Variants in URI1 observed in about 807,000 individuals in gnomAD.
URI1 encodes URI1 prefoldin like chaperone, also known as unconventional prefoldin RPB5 interactor 1.
URI1 carries 39 observed loss-of-function variants against 60.2 expected under a neutral mutation model. The observed-to-expected ratio is 0.65, with a 90% CI of 0.50 to 0.85. The LOEUF (loss-of-function observed/expected upper bound fraction) is 0.85, where lower values mean the gene tolerates loss of function less well. Among genes scored for constraint, URI1 ranks in the 40% least tolerant of loss-of-function variants. The probability of loss-of-function intolerance (pLI) is 0.00; values close to 1 mark genes in which losing one functional copy is unlikely to be tolerated. For missense variants in URI1, 691 were observed against 665.9 expected, an observed-to-expected ratio of 1.04 and a Z score of -0.42; for synonymous variants, 251 against 236.8, an observed-to-expected ratio of 1.06 and a Z score of -0.55.
Position 30,013,735 on chromosome 19 carries a change from A to T in URI1, c.1426-1152A>T, listed in dbSNP as rs186822034. Among the ~76,000 whole-genome samples, 628 of 152,278 alleles carry T rather than the reference A, an allele frequency of 4.1e-3. 1 individual carries two copies. The highest frequency in any genetic ancestry group is 7.8e-3 in the Non-Finnish European group (532 of 67,986). On this transcript the variant is annotated intron_variant, in intron 10 of 10. Transcript: ENST00000392271. ...GATATCCTTTTCAGTATCTTTTTAA[A>T]TGCTAAAATACCTCTTTTTCAAAGG...
At position 29,998,890 on chromosome 19, in the gene URI1, A is replaced by G. The variant is rs145398730; in HGVS notation, c.368-6471A>G. Among the ~76,000 whole-genome samples the G allele has an allele frequency of 1.9e-3, 284 of 151,654 alleles. No individual in the cohort carries two copies. The Middle Eastern group carries it at 0.027, about 15-fold the overall frequency. On this transcript the variant is annotated intron_variant, in intron 4 of 10. Coordinates refer to ENST00000392271, the MANE Select transcript of URI1 (RefSeq NM_003796.3). ...TATAGCTTTTTTTTGACTCATTTCTATATTACTGCCTTCCTTTGTGTTTGA... is the reference window on the plus strand; with the variant it reads ...TATAGCTTTTTTTTGACTCATTTCTGTATTACTGCCTTCCTTTGTGTTTGA...
At chr19:29,946,869 C>G (rs77514637) in intron 1 of URI1, among the ~76,000 whole-genome samples, 9 of 152,130 alleles carry the variant, frequency 5.9e-5, no homozygotes, top group African/African-American at 2.2e-4. Context: ...CAAAATACAG[C>G]AAGTTCTTTC....
At chr19:29,933,682 C>A (rs913781750) in intron 1 of URI1, among the ~76,000 whole-genome samples, 1 of 151,602 alleles carries the variant, frequency 6.6e-6, no homozygotes, top group African/African-American at 2.4e-5. Flanking sequence ...ATTAGCCAGG[C>A]ATGATGGCGT....
In URI1 at chr19:29,947,321, G is replaced by A. The variant is rs556224031; in HGVS notation, c.117+4657G>A. Among the ~76,000 whole-genome samples, 3 of 152,336 alleles carry A rather than the reference G, an allele frequency of 2.0e-5. No homozygotes were observed. The East Asian group carries it at 5.8e-4, about 29-fold the overall frequency. On this transcript the variant is annotated intron_variant, in intron 1 of 10. Transcript: ENST00000392271. ...CTGTGTGCCACGCATTGTGATAGAT[G>A]TTTACAGATCCGATCTTAGAATTTT...
chr19:29,973,468 A>C (rs2055483780), intron 2 of URI1, among the ~76,000 whole-genome samples: 1 of 152,162 alleles, frequency 6.6e-6, no homozygotes, highest in Non-Finnish European at 1.5e-5. Flanking sequence ...ATGAGTACGC[A>C]CCAGTATAGT....
chr19:29,931,716 C>T (rs956448366), intron 1 of URI1, among the ~76,000 whole-genome samples: 2 of 152,146 alleles, frequency 1.3e-5, no homozygotes, highest in Admixed American at 6.5e-5. Flanking sequence ...GATGTACAAA[C>T]TTGCTCCTCC....
Position 29,927,261 on chromosome 19 carries a change from C to CTT in URI1, c.63+3524_63+3525dup, listed in dbSNP as rs5827680. Reference sequence around the variant, plus strand: ...AGAGATGAAGTCTAATTTCATCCCTCTTTTTTTTTTTTTTTTTTCTGAAAT... The same window carrying CTT: ...AGAGATGAAGTCTAATTTCATCCCTCTTTTTTTTTTTTTTTTTTTTCTGAAAT... On this transcript the variant is annotated intron_variant, in intron 1 of 10. Transcript: ENST00000360605. Among the ~76,000 whole-genome samples, 451 of 124,822 alleles carry CTT rather than the reference C, an allele frequency of 3.6e-3. 3 individuals are homozygous for CTT. The highest frequency in any genetic ancestry group is 0.012 in the African/African-American group (427 of 34,284). The allele number at this position is 124,822 out of a possible 152,430, so 81.9% of individuals were successfully genotyped here.
intron 2 of URI1, among the ~76,000 whole-genome samples, chr19:29,983,986 T>TA (rs1008706748): frequency 1.3e-5 from 2 of 152,204 alleles, no homozygotes; most frequent in African/African-American, 4.8e-5. Context: ...TCTCTTACCT[T>TA]AATCACATTA....
At chr19:29,982,012 A>G (rs929812567) in intron 2 of URI1, among the ~76,000 whole-genome samples, 18 of 152,168 alleles carry the variant, frequency 1.2e-4, no homozygotes, top group African/African-American at 3.9e-4. Flanking sequence ...TTAAGCCTGA[A>G]ATAATAGAGA....
intron 1 of URI1, among the ~76,000 whole-genome samples, chr19:29,949,322 G>A (rs1166749903): frequency 6.6e-6 from 1 of 151,700 alleles, no homozygotes; most frequent in African/African-American, 2.4e-5. Flanking sequence ...GGGCGGCGGG[G>A]CGGAGGTGCT....
intron 1 of URI1, among the ~76,000 whole-genome samples, chr19:29,970,026 TTCTG>T (rs1315691515): frequency 2.0e-5 from 3 of 152,032 alleles, no homozygotes; most frequent in Non-Finnish European, 4.4e-5. Flanking sequence ...GGTACAGAAT[TTCTG>T]TCTTAGTATT....
chr19:30,015,417 A>G lies in URI1; in HGVS notation c.*348A>G. On this transcript the variant is annotated 3_prime_UTR_variant, in exon 11 of 11. Coordinates refer to ENST00000392271, the MANE Select transcript of URI1 (RefSeq NM_003796.3). ...CAGGCAGTTTTGTGCCAGCTGTGAT[A>G]TTGTGCATACCATATGGACCATTTT... is the stretch of plus-strand genomic sequence containing the variant. 1 of 1,457,966 alleles carries G rather than the reference A, an allele frequency of 6.9e-7. No homozygotes were observed. The highest frequency in any genetic ancestry group is 9.0e-7 in the Non-Finnish European group (1 of 1,113,844). 90.3% of individuals were successfully genotyped at this position (1,457,966 alleles called of 1,614,324 possible).
chr19:29,959,181 A>T (rs187203865), intron 1 of URI1, among the ~76,000 whole-genome samples: 3 of 152,212 alleles, frequency 2.0e-5, no homozygotes, highest in African/African-American at 7.2e-5. Context: ...GCTGGAGTGC[A>T]GTGGCCAATC....
intron 8 of URI1, 78 bp from the exon 9 acceptor site, chr19:30,011,016 T>C: frequency 1.4e-6 from 2 of 1,472,884 alleles, no homozygotes; most frequent in South Asian, 1.3e-5. Context: ...ATTTTTTTAG[T>C]TATAGAGTTT....
At chr19:29,938,612 G>A (rs1428290083), upstream of URI1, among the ~76,000 whole-genome samples, 3 of 152,158 alleles carry the variant, frequency 2.0e-5, no homozygotes, top group Non-Finnish European at 4.4e-5. Flanking sequence ...TCCCAGTGGG[G>A]GGCCTGGCAC....
Position 29,971,223 on chromosome 19 carries a change from C to T in URI1, c.148C>T (p.His50Tyr). 6.2e-7 allele frequency: 1 copy of T among 1,613,096 alleles called. No homozygotes were observed. Among genetic ancestry groups the T allele is most frequent in the Middle Eastern group, 1.7e-4 (1 of 6,058 alleles). Residue 50 changes from histidine to tyrosine, a missense_variant, in exon 2 of 11, where the codon CAT becomes TAT. Physicochemically the swap from His to Tyr is moderately conservative, Grantham distance 83 (BLOSUM62 2). Transcript: ENST00000392271. ...VVTNCQERIQHWKKVDNDYNA... is the reference protein window; with the variant it reads ...VVTNCQERIQYWKKVDNDYNA... ...CACTAACTGCCAAGAGAGAATCCAG[C>T]ATTGGTGAGTGAAAGATGGTTTTAT...
At chr19:29,939,213 G>A (rs1169817393), upstream of URI1, among the ~76,000 whole-genome samples, 1 of 150,522 alleles carries the variant, frequency 6.6e-6, no homozygotes, top group Non-Finnish European at 1.5e-5. Context: ...CCGACCTGAG[G>A]TGATTTGCCT....
In URI1 at chr19:29,988,603, A is replaced by T. The variant is rs143784210; in HGVS notation, c.367+2186A>T. ...TCATCCAGGTGGTTCTGTGTATTCA[A>T]AGTTCATTTCTTTTATTGCTGAGGA... On this transcript the variant is annotated intron_variant, in intron 4 of 10. Coordinates refer to ENST00000392271, the MANE Select transcript of URI1 (RefSeq NM_003796.3). 1.2e-4 allele frequency among the ~76,000 whole-genome samples: 18 copies of T among 152,326 alleles called. No individual in the cohort carries two copies. The East Asian group carries it at 3.1e-3, about 26-fold the overall frequency.
At chr19:29,975,721 G>T (rs566091236) in intron 2 of URI1, among the ~76,000 whole-genome samples, 4 of 152,208 alleles carry the variant, frequency 2.6e-5, no homozygotes, top group African/African-American at 7.2e-5. Context: ...GCCCAGGCTG[G>T]TCTCGAACTC....
Sources: allele counts gnomAD v4.1 joint callset (sites outside exome capture counted in the v4.1 genomes callset), GRCh38; gene constraint gnomAD v4.1.1; transcripts MANE v1.5; gene names NCBI Gene and HGNC (gene_info 2026-07-23, HGNC 2026-07-21).